Variants in AKAP19 observed in about 807,000 individuals in gnomAD.
AKAP19 encodes small A-kinase anchoring protein.
At chr2:189,954,487 G>T in the AKAP19 span, among the ~76,000 whole-genome samples, 2 of 152,166 alleles carry the variant, frequency 1.3e-5, no homozygotes, top group South Asian at 2.1e-4. Flanking sequence ...TATGCCTAGT[G>T]TTCCATTAAT....
At chr2:190,003,589 C>T in the AKAP19 span, among the ~76,000 whole-genome samples, 3 of 152,216 alleles carry the variant, frequency 2.0e-5, no homozygotes, top group African/African-American at 4.8e-5. Context: ...TTAGGCCAGG[C>T]GCGGTGGCTC....
At chr2:190,189,664 C>G in the AKAP19 span, 1 of 152,086 alleles carries the variant, frequency 6.6e-6, no homozygotes, top group Non-Finnish European at 1.5e-5. Flanking sequence ...GGTTATATAT[C>G]CCTCTCTCTA....
chr2:189,993,198 G>A, the AKAP19 span, among the ~76,000 whole-genome samples: 56 of 152,016 alleles, frequency 3.7e-4, no homozygotes, highest in Non-Finnish European at 6.9e-4. Flanking sequence ...CCTTCTATGC[G>A]GATTTTGCTG....
At chr2:190,132,912 A>G in the AKAP19 span, among the ~76,000 whole-genome samples, 1 of 152,274 alleles carries the variant, frequency 6.6e-6, no homozygotes, top group South Asian at 2.1e-4. Context: ...TCTAAAATAT[A>G]TAAGCAACTC....
chr2:190,008,775 C>G, the AKAP19 span, among the ~76,000 whole-genome samples: 1 of 146,422 alleles, frequency 6.8e-6, no homozygotes, highest in Admixed American at 6.8e-5. Context: ...CACACACCCA[C>G]CTGGTCTCCT....
At chr2:189,941,053 T>C in the AKAP19 span, among the ~76,000 whole-genome samples, 1 of 152,108 alleles carries the variant, frequency 6.6e-6, no homozygotes, top group African/African-American at 2.4e-5. Flanking sequence ...CATTGGGCAA[T>C]AGACTTCTCA....
chr2:189,989,459 A>C, the AKAP19 span, among the ~76,000 whole-genome samples: 1 of 152,130 alleles, frequency 6.6e-6, no homozygotes, highest in Non-Finnish European at 1.5e-5. Flanking sequence ...GAAATGAAAA[A>C]ATATACTAGG....
the AKAP19 span, among the ~76,000 whole-genome samples, chr2:189,894,177 T>C: frequency 6.6e-6 from 1 of 152,196 alleles, no homozygotes. Context: ...TAGTGTGATA[T>C]TCATGTCTTA....
the AKAP19 span, among the ~76,000 whole-genome samples, chr2:189,947,646 A>C: frequency 6.6e-6 from 1 of 152,058 alleles, no homozygotes; most frequent in African/African-American, 2.4e-5. Context: ...ATAAACACTC[A>C]AAAAAAGTTG....
At chr2:189,963,827 G>T in the AKAP19 span, among the ~76,000 whole-genome samples, 1 of 151,238 alleles carries the variant, frequency 6.6e-6, no homozygotes, top group Non-Finnish European at 1.5e-5. Flanking sequence ...GCAGTGGTGC[G>T]ATCACAGCTC....
the AKAP19 span, among the ~76,000 whole-genome samples, chr2:190,038,904 CTT>C: frequency 1.2e-4 from 11 of 89,892 alleles, no homozygotes; most frequent in Non-Finnish European, 2.4e-4. Flanking sequence ...TTCTTTCTTT[CTT>C]CTTCTTCTTC....
the AKAP19 span, among the ~76,000 whole-genome samples, chr2:190,106,093 G>T: frequency 6.6e-6 from 1 of 152,136 alleles, no homozygotes; most frequent in African/African-American, 2.4e-5. Context: ...TCAAACTATG[G>T]CAAAAGAGAC....
chr2:189,995,379 C>T, the AKAP19 span, among the ~76,000 whole-genome samples: 13 of 152,208 alleles, frequency 8.5e-5, no homozygotes, highest in Admixed American at 2.0e-4. Context: ...TCCTCTTTGT[C>T]TTTTTTAACT....
the AKAP19 span, among the ~76,000 whole-genome samples, chr2:190,044,395 G>C: frequency 6.6e-6 from 1 of 152,318 alleles, no homozygotes; most frequent in Middle Eastern, 3.4e-3. Flanking sequence ...GATGAGCAGT[G>C]TGGGGCCCAT....
the AKAP19 span, among the ~76,000 whole-genome samples, chr2:189,999,846 T>G: frequency 6.6e-6 from 1 of 152,340 alleles, no homozygotes; most frequent in South Asian, 2.1e-4. Flanking sequence ...GGATTTTGTC[T>G]AAAGTTTAAC....
chr2:190,061,464 G>C, the AKAP19 span, among the ~76,000 whole-genome samples: 18 of 151,992 alleles, frequency 1.2e-4, 1 homozygote, highest in South Asian at 2.9e-3. Flanking sequence ...TATTTTAGAA[G>C]GTTATTAAGC....
the AKAP19 span, among the ~76,000 whole-genome samples, chr2:189,892,486 C>T: frequency 6.6e-6 from 1 of 152,232 alleles, no homozygotes; most frequent in Non-Finnish European, 1.5e-5. Context: ...TTCTAACAGG[C>T]CCCTCTGATG....
the AKAP19 span, chr2:190,080,012 T>G: frequency 6.6e-6 from 1 of 152,176 alleles, no homozygotes; most frequent in African/African-American, 2.4e-5. Flanking sequence ...AGCACACCTG[T>G]TTGATTCCAA....
At chr2:190,095,852 T>C in the AKAP19 span, among the ~76,000 whole-genome samples, 1 of 152,138 alleles carries the variant, frequency 6.6e-6, no homozygotes, top group Non-Finnish European at 1.5e-5. Context: ...TCTTCACATC[T>C]GATGATGGAA....
Sources: gnomAD v4.1 joint callset for allele counts (sites outside exome capture counted in the v4.1 genomes callset) on GRCh38, gnomAD v4.1.1 for gene constraint, MANE v1.5 for transcripts, NCBI Gene and HGNC (gene_info 2026-07-23, HGNC 2026-07-21) for gene names.